DERPC: variants seen among roughly 807,000 people sequenced by gnomAD.
The protein encoded by DERPC is DERPC proline and glycine rich nuclear protein.
A neutral mutation model predicts 7.2 loss-of-function variants in DERPC; 1 was observed. The ratio of observed to expected loss-of-function variants is 0.14; its 90% CI spans 0.05 to 0.66. DERPC has a LOEUF of 0.66. Among genes scored for constraint, DERPC ranks in the 30% least tolerant of loss-of-function variants. The probability of loss-of-function intolerance (pLI) is 0.84; values close to 1 mark genes in which losing one functional copy is unlikely to be tolerated. For missense variants in DERPC, 502 were observed against 299.4 expected, an observed-to-expected ratio of 1.68 and a Z score of -4.99; for synonymous variants, 185 against 117.6, an observed-to-expected ratio of 1.57 and a Z score of -3.71.
At chr16:69,130,532 G>T (rs1222794983) in intron 1 of DERPC, among the ~76,000 whole-genome samples, 1 of 152,136 alleles carries the variant, frequency 6.6e-6, no homozygotes, top group African/African-American at 2.4e-5. Flanking sequence ...TACAGACCTG[G>T]ATTCTGTGAT....
chr16:69,121,713 G>C (rs1464131252), intron 1 of DERPC, among the ~76,000 whole-genome samples: 1 of 150,528 alleles, frequency 6.6e-6, no homozygotes. Flanking sequence ...TGTCACCCAG[G>C]TTGGAGTGCA....
In DERPC at chr16:69,120,256, A is replaced by T. The variant is rs781376881; in HGVS notation, c.173T>A (p.Leu58His). The change falls in exon 3 of 3, where the codon CTT becomes CAT. Residue 58 changes from leucine to histidine, a missense_variant. Leu to His is a moderately conservative substitution (Grantham distance 99, BLOSUM62 -3). Coordinates refer to ENST00000519520, the MANE Select transcript of DERPC (RefSeq NM_001002847.4). The surrounding 1 kb of genome is among the most constrained non-coding windows in gnomAD (Gnocchi z 4.0). The part of the protein sequence containing the change: ...SDPFLMAAGS[L>H]GGNLTPFPRN... ...TGGAAATGGGGTCAGATTTCCACCA[A>T]GAGAACCGGCCGCCATAAGGAAGGG... 21 of 722,766 alleles carry T rather than the reference A, an allele frequency of 2.9e-5. No homozygotes were observed. Among genetic ancestry groups the T allele is most frequent in the South Asian group, 2.4e-4 (16 of 68,012 alleles). The allele number at this position is 722,766 out of a possible 1,614,324, so 44.8% of individuals were successfully genotyped here.
chr16:69,121,831 C>A (rs543701743), intron 1 of DERPC, among the ~76,000 whole-genome samples: 39 of 152,316 alleles, frequency 2.6e-4, no homozygotes, highest in Non-Finnish European at 4.3e-4. Context: ...CCACGGCCGG[C>A]TAATTTTTTT....
rs1200244796 is a variant in DERPC at position 69,119,861 on chromosome 16, G to C, written c.568C>G (p.Leu190Val). ...GSGPNLRAGV[L>V]LTSGNGPPNP... ...GGAGGACCATTCCCAGAGGTTAACA[G>C]AACACCGGCTCTCAGGTTAGGTCCA... The change falls in exon 3 of 3, where the codon CTG (leucine) becomes GTG (valine). Residue 190 changes from leucine (L) to valine (V), a missense_variant. Leu to Val is a conservative substitution (Grantham distance 32). Transcript: ENST00000519520. The C allele has an allele frequency of 2.9e-6, 2 of 701,420 alleles. No individual in the cohort carries two copies. Among genetic ancestry groups the C allele is most frequent in the Non-Finnish European group, 5.2e-6 (2 of 385,016 alleles). 43.4% of individuals were successfully genotyped at this position (701,420 alleles called of 1,614,324 possible).
Position 69,118,300 on chromosome 16 carries a change from C to T in DERPC, c.*554G>A. ...GGCCCAGTCAGTCAAGCAGAAACTG[C>T]ATTCGGTGGGTCTTTCTTTGAAGTG... On this transcript the variant is annotated 3_prime_UTR_variant, in exon 3 of 3. Transcript: ENST00000519520. The T allele has an allele frequency of 8.9e-7, 1 of 1,126,126 alleles. No individual in the cohort carries two copies. Among genetic ancestry groups the T allele is most frequent in the Non-Finnish European group, 1.4e-6 (1 of 736,194 alleles). 69.8% of individuals were successfully genotyped at this position (1,126,126 alleles called of 1,614,324 possible).
rs1489534543 is a variant in DERPC at position 69,120,553 on chromosome 16, C to G, written c.-125G>C. 3 of 1,614,074 alleles carry G rather than the reference C, an allele frequency of 1.9e-6. No individual in the cohort carries two copies. In the South Asian group the frequency reaches 3.3e-5, roughly 18 times the overall value. Reference sequence around the variant, plus strand: ...CGGCCAAGCTCATCACAGTCCTGATCCCCAGGAGTGTGTTTGACAAGGACT... The same window carrying G: ...CGGCCAAGCTCATCACAGTCCTGATGCCCAGGAGTGTGTTTGACAAGGACT... On this transcript the variant is annotated 5_prime_UTR_variant, in exon 3 of 3. Coordinates refer to ENST00000519520, the MANE Select transcript of DERPC (RefSeq NM_001002847.4). This position sits in a 1 kb window ranked among gnomAD's most constrained non-coding sequence, Gnocchi z 4.0.
intron 1 of DERPC, among the ~76,000 whole-genome samples, chr16:69,129,971 G>A (rs577637718): frequency 1.5e-4 from 23 of 152,268 alleles, no homozygotes; most frequent in East Asian, 7.7e-4. Context: ...CCTCTAGGAC[G>A]CAAAGCTTTA....
chr16:69,121,975 A>G lies in DERPC; in HGVS notation c.-279-482T>C, dbSNP rs567184548. Among the ~76,000 whole-genome samples, 16 of 150,284 alleles carry G rather than the reference A, an allele frequency of 1.1e-4. No homozygotes were observed. In the South Asian group the frequency reaches 3.4e-3, roughly 32 times the overall value. ...TGAGCCACCGCGCCCGGCCCTAGAG[A>G]TGGGGTTTCACCATGTTGGCCAGGC... On this transcript the variant is annotated intron_variant, in intron 1 of 2. Coordinates refer to ENST00000519520, the MANE Select transcript of DERPC (RefSeq NM_001002847.4).
chr16:69,121,551 TA>T, intron 1 of DERPC, 58 bp from the exon 2 acceptor site: 1 of 1,037,304 alleles, frequency 9.6e-7, no homozygotes, highest in Non-Finnish European at 1.4e-6. Flanking sequence ...TAATGACACC[TA>T]ATGCAACCTC....
At chr16:69,127,040 A>C (rs1284089692) in intron 1 of DERPC, among the ~76,000 whole-genome samples, 1 of 152,116 alleles carries the variant, frequency 6.6e-6, no homozygotes, top group Non-Finnish European at 1.5e-5. Context: ...TGAAGTCAGG[A>C]GTTTGAGGCC....
rs549851270 is a variant in DERPC at position 69,120,054 on chromosome 16, T to G, written c.375A>C (p.Pro125=). 10 of 687,034 alleles carry G rather than the reference T, an allele frequency of 1.5e-5. No individual in the cohort carries two copies. The East Asian group carries it at 2.4e-4, about 17-fold the overall frequency. The allele number at this position is 687,034 out of a possible 1,614,324, so 42.6% of individuals were successfully genotyped here. Residue 125 remains proline, a synonymous_variant, in exon 3 of 3, where the codon CCA becomes CCC. Transcript: ENST00000519520. This position sits in a 1 kb window ranked among gnomAD's most constrained non-coding sequence, Gnocchi z 4.0. Reference sequence around the variant, plus strand: ...CTGTCCTAGGGTTTAGGGTGGGGCCTGGGCCTGGGCCTGGCCCCAAGAGGC... The same window carrying G: ...CTGTCCTAGGGTTTAGGGTGGGGCCGGGGCCTGGGCCTGGCCCCAAGAGGC... ...PGGLLGPGPG[P]GPTLNPRTGA...
At chr16:69,121,354 C>T in intron 2 of DERPC, 82 bp downstream of exon 2, 1 of 1,336,846 alleles carries the variant, frequency 7.5e-7, no homozygotes, top group Non-Finnish European at 1.0e-6. Flanking sequence ...CACCTAAGGA[C>T]CCTGATTCTT....
chr16:69,129,799 T>C (rs79698266), intron 1 of DERPC, among the ~76,000 whole-genome samples: 17,755 of 152,270 alleles, frequency 0.12, 1,270 homozygotes, highest in Middle Eastern at 0.23. Context: ...CAGCATCTCT[T>C]ACAAAATGGC....
At chr16:69,122,524 C>T (rs1961752430) in intron 1 of DERPC, among the ~76,000 whole-genome samples, 1 of 151,526 alleles carries the variant, frequency 6.6e-6, no homozygotes, top group African/African-American at 2.4e-5. Context: ...AGGTGCATGT[C>T]ACCATACCCA....
chr16:69,126,808 G>C (rs1330016834), intron 1 of DERPC, among the ~76,000 whole-genome samples: 4 of 152,122 alleles, frequency 2.6e-5, no homozygotes, highest in Non-Finnish European at 5.9e-5. Context: ...CCTGAATTCT[G>C]TTATTTCTTT....
chr16:69,125,949 A>T (rs1962030822), intron 1 of DERPC, among the ~76,000 whole-genome samples: 1 of 152,232 alleles, frequency 6.6e-6, no homozygotes, highest in Non-Finnish European at 1.5e-5. Context: ...ATTGAGATGA[A>T]CTAAGTTTTT....
At chr16:69,123,191 G>A (rs1318555188) in intron 1 of DERPC, among the ~76,000 whole-genome samples, 1 of 152,080 alleles carries the variant, frequency 6.6e-6, no homozygotes. Flanking sequence ...CAAAGTGTTG[G>A]GATTACAGAT....
rs531325077 is a variant in DERPC, at chr16:69,119,956, T to C, written c.473A>G (p.Asn158Ser). 11 of 701,112 alleles carry C rather than the reference T, an allele frequency of 1.6e-5. No homozygotes were observed. The highest frequency in any genetic ancestry group is 5.4e-5 in the East Asian group (2 of 37,174). The allele number at this position is 701,112 out of a possible 1,614,324, so 43.4% of individuals were successfully genotyped here. A position where few individuals can be genotyped will look rare whatever the true frequency, so the allele number is the denominator to read the frequency against. The change falls in exon 3 of 3, where the codon AAC becomes AGC. Residue 158 changes from asparagine to serine, a missense_variant. Coordinates refer to ENST00000519520, the MANE Select transcript of DERPC (RefSeq NM_001002847.4). Reference sequence around the variant, plus strand: ...TCCCAGGAGACCACCTGCCCTTGGGTTGGACATAGGACCTGGTCCTGGGAG... The same window carrying C: ...TCCCAGGAGACCACCTGCCCTTGGGCTGGACATAGGACCTGGTCCTGGGAG... ...GGLPGPGPMS[N>S]PRAGGLLGAG... is the part of the protein sequence containing the mutation.
chr16:69,123,377 G>A (rs1961821456), intron 1 of DERPC, among the ~76,000 whole-genome samples: 1 of 152,164 alleles, frequency 6.6e-6, no homozygotes, highest in Admixed American at 6.5e-5. Flanking sequence ...AGCCAAGGGG[G>A]CCAGGCGCGG....
Sources: gnomAD v4.1 joint callset for allele counts (sites outside exome capture counted in the v4.1 genomes callset) on GRCh38, gnomAD v4.1.1 for gene constraint, Gnocchi (gnomAD v3.1) non-coding constraint, MANE v1.5 for transcripts, NCBI Gene and HGNC (gene_info 2026-07-23, HGNC 2026-07-21) for gene names.